SLC10A7: variants seen among roughly 807,000 people sequenced by gnomAD.
SLC10A7 encodes the protein solute carrier family 10 member 7.
A neutral mutation model predicts 43.2 loss-of-function variants in SLC10A7; 29 were observed. That is an observed-to-expected ratio of 0.67 (90% CI 0.50 to 0.92). The LOEUF (loss-of-function observed/expected upper bound fraction) is 0.92, where lower values mean the gene tolerates loss of function less well. Ranked by LOEUF, SLC10A7 falls within the 40% of genes least tolerant of loss-of-function variation. SLC10A7 has a pLI of 0.00. For synonymous variants in SLC10A7, 152 were observed against 144.8 expected (o/e 1.05, Z -0.35); for missense variants, 295 against 403.2 (o/e 0.73, Z 2.30).
rs189160224 is a variant in SLC10A7, at chr4:146,396,642, G to C, written c.435+46141C>G. Among the ~76,000 whole-genome samples the C allele has an allele frequency of 2.6e-4, 40 of 151,928 alleles. No individual in the cohort carries two copies. In the East Asian group the frequency reaches 6.6e-3, roughly 25 times the overall value. On this transcript the variant is annotated intron_variant, in intron 5 of 11. Transcript: ENST00000335472. Reference sequence around the variant, plus strand: ...TATTAGGATACAAATACATGAAAAGGCCTTACCAACCTTACTCTTTATGTA... The same window carrying C: ...TATTAGGATACAAATACATGAAAAGCCCTTACCAACCTTACTCTTTATGTA...
Position 146,312,335 on chromosome 4 carries a change from C to A in SLC10A7, c.472-6326G>T, listed in dbSNP as rs77697620. On this transcript the variant is annotated intron_variant, in intron 6 of 11. Transcript: ENST00000335472. The stretch of plus-strand genomic sequence containing the variant: ...AAAGATTGTATCTATTCAAAGTGTA[C>A]AACATGATGTTTTGATATACATATA... 2.8e-3 allele frequency among the ~76,000 whole-genome samples: 421 copies of A among 152,154 alleles called. 11 individuals are homozygous for A. The East Asian group carries it at 0.063, about 23-fold the overall frequency.
At chr4:146,331,125 C>G (rs1349478466) in intron 5 of SLC10A7, among the ~76,000 whole-genome samples, 1 of 152,078 alleles carries the variant, frequency 6.6e-6, no homozygotes, top group East Asian at 1.9e-4. Flanking sequence ...TCCACTGTTC[C>G]TCTTAGGGCA....
intron 5 of SLC10A7, among the ~76,000 whole-genome samples, chr4:146,384,458 A>AAAATACATAT (rs1365769005): frequency 6.6e-6 from 1 of 152,118 alleles, no homozygotes; most frequent in Non-Finnish European, 1.5e-5. Flanking sequence ...GAAATGGGTA[A>AAAATACATAT]AAATACATAT....
intron 4 of SLC10A7, among the ~76,000 whole-genome samples, chr4:146,486,634 T>C (rs1337338521): frequency 6.6e-6 from 1 of 152,224 alleles, no homozygotes; most frequent in East Asian, 1.9e-4. Flanking sequence ...CTGGGTGGGA[T>C]TGGCTTCCTG....
chr4:146,335,358 C>T (rs1234803134), intron 5 of SLC10A7, among the ~76,000 whole-genome samples: 1 of 150,644 alleles, frequency 6.6e-6, no homozygotes, highest in Non-Finnish European at 1.5e-5. Context: ...GGTGTCATTT[C>T]CCCTTGTCCC....
rs146548852 is a variant in SLC10A7 at position 146,383,984 on chromosome 4, A to T, written c.436-57988T>A. ...CTGGCACTGATTAACTGTGTAATTT[A>T]GGGGAAGTCGTTTCAAACACTCTGG... On this transcript the variant is annotated intron_variant, in intron 5 of 11. Transcript: ENST00000335472. Among the ~76,000 whole-genome samples the T allele has an allele frequency of 4.2e-3, 636 of 152,278 alleles. 3 individuals carry two copies. Among genetic ancestry groups the T allele is most frequent in the African/African-American group, 0.014 (584 of 41,572 alleles).
intron 5 of SLC10A7, among the ~76,000 whole-genome samples, chr4:146,435,893 T>C (rs961030755): frequency 1.3e-5 from 2 of 152,056 alleles, no homozygotes; most frequent in African/African-American, 2.4e-5. Context: ...TAGAAGCAAA[T>C]ACTTTCCCAG....
At chr4:146,474,096 T>C (rs991266789) in intron 4 of SLC10A7, among the ~76,000 whole-genome samples, 1 of 149,978 alleles carries the variant, frequency 6.7e-6, no homozygotes, top group Non-Finnish European at 1.5e-5. Context: ...AAAGTTGTTC[T>C]TTACTAAACA....
chr4:146,375,819 A>G (rs528454708), intron 5 of SLC10A7, among the ~76,000 whole-genome samples: 4 of 152,212 alleles, frequency 2.6e-5, no homozygotes, highest in Admixed American at 6.5e-5. Flanking sequence ...ATTCAATTCT[A>G]TTCCGGCACT....
chr4:146,322,364 T>TCCCCC (rs34494809), intron 6 of SLC10A7, among the ~76,000 whole-genome samples: 1 of 102,616 alleles, frequency 9.7e-6, no homozygotes, highest in Non-Finnish European at 1.9e-5. Context: ...ATGCTATCCC[T>TCCCCC]CCCCCCTCCC....
intron 7 of SLC10A7, among the ~76,000 whole-genome samples, chr4:146,296,951 A>T (rs1730827242): frequency 6.6e-6 from 1 of 152,120 alleles, no homozygotes; most frequent in South Asian, 2.1e-4. Flanking sequence ...AATTCTCCAA[A>T]CTTCTTTGCC....
chr4:146,292,893 T>C, intron 9 of SLC10A7, 36 bp downstream of exon 9: 1 of 1,461,616 alleles, frequency 6.8e-7, no homozygotes, highest in Non-Finnish European at 9.5e-7. Flanking sequence ...ATTCCTAATT[T>C]AGAAAACTAA....
chr4:146,369,438 T>C (rs1261643310), intron 5 of SLC10A7, among the ~76,000 whole-genome samples: 1 of 152,196 alleles, frequency 6.6e-6, no homozygotes. Context: ...TAAAACATCT[T>C]CATTTTTAAA....
Position 146,517,076 on chromosome 4 carries a change from T to C in SLC10A7, c.145A>G (p.Thr49Ala). The change falls in exon 2 of 12, where the codon ACA becomes GCA. Residue 49 changes from threonine (T) to alanine (A), a missense_variant. By Grantham distance (58) the Thr-to-Ala change is moderately conservative (BLOSUM62 0). This residue lies in a region of SLC10A7 where 242 missense variants were observed against 362.5 expected (regional missense o/e 0.67). Coordinates refer to ENST00000335472, the MANE Select transcript of SLC10A7 (RefSeq NM_001029998.6). ...GATAGTCCACTGTTAAAGAATATTG[T>C]TGCAACAGCAATGTAGGATACAGTT... ...EITVSYIAVA[T>A]IFFNSGLSLK... is the part of the protein sequence containing the mutation. 6.2e-7 allele frequency: 1 copy of C among 1,610,940 alleles called. No individual in the cohort carries two copies. The highest frequency in any genetic ancestry group is 8.5e-7 in the Non-Finnish European group (1 of 1,177,784).
intron 5 of SLC10A7, among the ~76,000 whole-genome samples, chr4:146,342,867 A>G (rs1447707344): frequency 6.6e-6 from 1 of 151,820 alleles, no homozygotes; most frequent in Non-Finnish European, 1.5e-5. Context: ...TTGATTCTAT[A>G]TATTTAAATA....
At chr4:146,435,353 G>A (rs1185760158) in intron 5 of SLC10A7, among the ~76,000 whole-genome samples, 4 of 152,126 alleles carry the variant, frequency 2.6e-5, no homozygotes, top group Admixed American at 2.6e-4. Flanking sequence ...TTTTCCTCCT[G>A]CTTCTCTCCA....
At chr4:146,441,842 C>T in intron 5 of SLC10A7, 1 of 985,170 alleles carries the variant, frequency 1.0e-6, no homozygotes, top group Non-Finnish European at 1.2e-6. Context: ...GTAGAATTAA[C>T]ACTATGTAAC....
At chr4:146,314,857 A>G (rs1333263076) in intron 6 of SLC10A7, among the ~76,000 whole-genome samples, 1 of 152,122 alleles carries the variant, frequency 6.6e-6, no homozygotes, top group African/African-American at 2.4e-5. Flanking sequence ...AAATAAATTG[A>G]TGGTCTGCAG....
intron 4 of SLC10A7, among the ~76,000 whole-genome samples, chr4:146,495,803 A>ACACAGAGG (rs1430664375): frequency 6.6e-6 from 1 of 151,876 alleles, no homozygotes; most frequent in Non-Finnish European, 1.5e-5. Context: ...ACACACACAC[A>ACACAGAGG]CACACAGAGG....
Sources: gnomAD v4.1 joint callset for allele counts (sites outside exome capture counted in the v4.1 genomes callset) on GRCh38, gnomAD v4.1.1 for gene constraint, gnomAD v4.1.1 regional missense constraint, MANE v1.5 for transcripts, NCBI Gene and HGNC (gene_info 2026-07-23, HGNC 2026-07-21) for gene names.